IFT122: variants seen among roughly 807,000 people sequenced by gnomAD.
IFT122 encodes intraflagellar transport protein 122 homolog.
In IFT122, 118 loss-of-function variants were observed where a neutral mutation model predicts 161.6. The ratio of observed to expected loss-of-function variants is 0.73; its 90% confidence interval spans 0.63 to 0.85. IFT122 has a LOEUF of 0.85. Ranked by LOEUF, IFT122 falls within the 40% of genes least tolerant of loss-of-function variation. The pLI, the probability that IFT122 is intolerant of heterozygous loss-of-function variation, is 0.00. For missense variants in IFT122, 1,381 were observed against 1,579.6 expected (o/e 0.87, Z 2.13); for synonymous variants, 550 against 602.4 (o/e 0.91, Z 1.27).
rs767568046 is a variant in IFT122, at chr3:129,507,714, G to C, written c.2838G>C (p.Gln946His). ...TGCTTGGCAAGTTCTACCACTTCCA[G>C]CGTTTGGCAGAGCTGTACCATGGTT... ...DTMLGKFYHF[Q>H]RLAELYHGYH... The change falls in exon 23 of 30, where the codon CAG (glutamine) becomes CAC (histidine). Residue 946 changes from glutamine to histidine, a missense_variant. Physicochemically the swap from Gln to His is conservative, Grantham distance 24 (BLOSUM62 0). Coordinates refer to ENST00000348417, the MANE Select transcript of IFT122 (RefSeq NM_052989.3). The C allele has an allele frequency of 6.2e-7, 1 of 1,614,202 alleles. No individual in the cohort carries two copies. The highest frequency in any genetic ancestry group is 8.5e-7 in the Non-Finnish European group (1 of 1,180,024).
intron 5 of IFT122, among the ~76,000 whole-genome samples, chr3:129,462,821 G>T (rs181646804): frequency 6.6e-6 from 1 of 152,174 alleles, no homozygotes; most frequent in Non-Finnish European, 1.5e-5. Context: ...TCTGGGACAG[G>T]GGGGAGCAAG....
intron 1 of IFT122, among the ~76,000 whole-genome samples, chr3:129,448,213 A>G (rs1309203161): frequency 1.3e-5 from 2 of 152,204 alleles, no homozygotes; most frequent in Non-Finnish European, 2.9e-5. Context: ...ACAGCAATGG[A>G]AAACTAGGAT....
At chr3:129,516,264 TACACACACACA>T (rs2083557825) in intron 26 of IFT122, among the ~76,000 whole-genome samples, 1 of 77,420 alleles carries the variant, frequency 1.3e-5, no homozygotes, top group Non-Finnish European at 2.4e-5. Context: ...AGACTGCCCC[TACACACACACA>T]GATTGCTCCT....
chr3:129,475,077 T>C (rs2077757969), intron 9 of IFT122, among the ~76,000 whole-genome samples: 3 of 152,102 alleles, frequency 2.0e-5, no homozygotes, highest in Admixed American at 1.3e-4. Context: ...GCAGAGGAAT[T>C]GAGCCCAGAA....
At chr3:129,467,803 T>A (rs1321031273) in intron 8 of IFT122, among the ~76,000 whole-genome samples, 1 of 152,162 alleles carries the variant, frequency 6.6e-6, no homozygotes, top group Non-Finnish European at 1.5e-5. Flanking sequence ...AGTACCTGAG[T>A]TTCCTTGGAA....
At chr3:129,441,567 G>A (rs1229033043) in intron 1 of IFT122, among the ~76,000 whole-genome samples, 2 of 152,112 alleles carry the variant, frequency 1.3e-5, no homozygotes, top group South Asian at 2.1e-4. Flanking sequence ...TCAAGCTCAG[G>A]TCTTCCTCAC....
At position 129,520,343 on chromosome 3, in the gene IFT122, C is replaced by T; in HGVS notation, c.*78C>T. The T allele has an allele frequency of 8.9e-7, 1 of 1,122,730 alleles. No individual in the cohort carries two copies. The highest frequency in any genetic ancestry group is 1.3e-6 in the Non-Finnish European group (1 of 765,004). The allele number at this position is 1,122,730 out of a possible 1,614,324, so 69.5% of individuals were successfully genotyped here. A position where few individuals can be genotyped will look rare whatever the true frequency, so the allele number is the denominator to read the frequency against. On this transcript the variant is annotated 3_prime_UTR_variant, in exon 30 of 30. Transcript: ENST00000348417. ...CTGTGAAGGAGAATAAAGAGTTAAA[C>T]TGTCAGAATGTGTTTCTTGCCCAGA... is the stretch of plus-strand genomic sequence containing the variant.
intron 6 of IFT122, 112 bp from the exon 7 acceptor site, chr3:129,464,523 C>G: frequency 8.2e-7 from 1 of 1,224,096 alleles, no homozygotes; most frequent in Non-Finnish European, 1.2e-6. Context: ...CATATCCCAG[C>G]TGTTGCTGCC....
chr3:129,499,288 G>T (rs1203803040), intron 18 of IFT122, among the ~76,000 whole-genome samples: 1 of 152,254 alleles, frequency 6.6e-6, no homozygotes, highest in East Asian at 1.9e-4. Context: ...ACAATGTGAT[G>T]ATTCTCTAGT....
At chr3:129,461,580 T>C (rs2076218848) in intron 5 of IFT122, 2 of 476,146 alleles carry the variant, frequency 4.2e-6, no homozygotes, top group African/African-American at 3.9e-5. Context: ...CATAACTTGG[T>C]GTTGCTGCCT....
intron 18 of IFT122, among the ~76,000 whole-genome samples, chr3:129,497,448 G>A (rs142618568): frequency 1.5e-3 from 227 of 152,272 alleles, no homozygotes; most frequent in African/African-American, 5.1e-3. Flanking sequence ...ATAGGAAAGC[G>A]CATTAGAAAT....
Position 129,476,205 on chromosome 3 carries a change from CCT to C in IFT122, c.817-109_817-108del, listed in dbSNP as rs569945407. The C allele has an allele frequency of 1.1e-4, 128 of 1,198,870 alleles. No individual in the cohort carries two copies. In the African/African-American group the frequency reaches 1.8e-3, roughly 17 times the overall value. 74.3% of individuals were successfully genotyped at this position (1,198,870 alleles called of 1,614,324 possible). A position where few individuals can be genotyped will look rare whatever the true frequency, so the allele number is the denominator to read the frequency against. ...CAGGAGAAAAGGCTGGCCAGCTCTCCCTGTCTTCCCAACTCCCTCTAAAGTTG... is the reference window on the plus strand; with the variant it reads ...CAGGAGAAAAGGCTGGCCAGCTCTCCGTCTTCCCAACTCCCTCTAAAGTTG... On this transcript the variant is annotated intron_variant, in intron 9 of 29. Coordinates refer to ENST00000348417, the MANE Select transcript of IFT122 (RefSeq NM_052989.3).
At position 129,464,789 on chromosome 3, in the gene IFT122, T is replaced by TA; in HGVS notation, c.563+11dup. Reference sequence around the variant, plus strand: ...CTGCTGGAACCCTTCAAGGTACTCTTAAAGTTGTCCTCCTTCTAGAACAAA... The same window carrying TA: ...CTGCTGGAACCCTTCAAGGTACTCTTAAAAGTTGTCCTCCTTCTAGAACAAA... On this transcript the variant is annotated intron_variant, in intron 7 of 29. Transcript: ENST00000348417. The TA allele has an allele frequency of 1.2e-6, 2 of 1,614,076 alleles. No homozygotes were observed. Among genetic ancestry groups the TA allele is most frequent in the Non-Finnish European group, 1.7e-6 (2 of 1,179,974 alleles).
intron 3 of IFT122, among the ~76,000 whole-genome samples, chr3:129,454,262 T>C (rs535082623): frequency 6.6e-6 from 1 of 152,180 alleles, no homozygotes; most frequent in African/African-American, 2.4e-5. Context: ...ATGCCTATAA[T>C]CCTACTGAAA....
intron 9 of IFT122, among the ~76,000 whole-genome samples, chr3:129,475,866 A>T (rs2077872603): frequency 6.6e-6 from 1 of 152,244 alleles, no homozygotes; most frequent in Non-Finnish European, 1.5e-5. Flanking sequence ...GTAGTTGCAG[A>T]ATAAAGGACA....
At chr3:129,452,176 A>T in intron 3 of IFT122, 178 bp downstream of exon 3, 1 of 607,840 alleles carries the variant, frequency 1.6e-6, no homozygotes, top group Non-Finnish European at 3.0e-6. Flanking sequence ...TATTGAGGTC[A>T]TCTATGTTCC....
At chr3:129,451,112 T>C (rs574267845) in intron 2 of IFT122, among the ~76,000 whole-genome samples, 3 of 152,028 alleles carry the variant, frequency 2.0e-5, no homozygotes, top group Non-Finnish European at 4.4e-5. Context: ...TTATTTTATT[T>C]CTTAGAGACA....
chr3:129,442,901 G>C (rs2073451027), intron 1 of IFT122, among the ~76,000 whole-genome samples: 1 of 152,164 alleles, frequency 6.6e-6, no homozygotes, highest in African/African-American at 2.4e-5. Flanking sequence ...TCTACCCGAA[G>C]ATCCTTCCCA....
intron 23 of IFT122, among the ~76,000 whole-genome samples, chr3:129,509,028 C>CT (rs2082486959): frequency 6.6e-6 from 1 of 152,132 alleles, no homozygotes; most frequent in Non-Finnish European, 1.5e-5. Context: ...TGATCATGAC[C>CT]TTTTTTTGGT....
Sources: gnomAD v4.1 joint callset for allele counts (sites outside exome capture counted in the v4.1 genomes callset) on GRCh38, gnomAD v4.1.1 for gene constraint, MANE v1.5 for transcripts, NCBI Gene and HGNC (gene_info 2026-07-23, HGNC 2026-07-21) for gene names.